The following THSD7B variants were observed in gnomAD, a reference collection of about 807,000 sequenced individuals.
The protein encoded by THSD7B is thrombospondin type-1 domain-containing protein 7B.
In THSD7B, 138 loss-of-function variants were observed where a neutral mutation model predicts 213.6. The observed-to-expected ratio is 0.65, with a 90% CI of 0.56 to 0.74. The LOEUF is 0.74. THSD7B is among the 30% of genes least tolerant of loss of function. THSD7B has a pLI of 0.00. For missense variants in THSD7B, 1,931 were observed against 1,991.5 expected, an observed-to-expected ratio of 0.97 and a Z score of 0.58; for synonymous variants, 742 against 687.0, an observed-to-expected ratio of 1.08 and a Z score of -1.25.
chr2:136,817,072 T>C (rs1369174239), intron 1 of THSD7B, among the ~76,000 whole-genome samples: 1 of 152,214 alleles, frequency 6.6e-6, no homozygotes, highest in Non-Finnish European at 1.5e-5. Flanking sequence ...AAGCCTCTAT[T>C]GTCGGCTCAT....
intron 2 of THSD7B, among the ~76,000 whole-genome samples, chr2:136,885,991 C>G (rs999915809): frequency 4.6e-5 from 7 of 151,836 alleles, no homozygotes; most frequent in Non-Finnish European, 1.0e-4. Context: ...AGTGAGGGAG[C>G]CAGCTGTAGA....
chr2:137,583,683 G>A (rs1573724535), intron 17 of THSD7B, among the ~76,000 whole-genome samples: 3 of 152,120 alleles, frequency 2.0e-5, no homozygotes, highest in Middle Eastern at 3.2e-3. Flanking sequence ...GCTCTGTTCT[G>A]TTCCATTGGT....
At chr2:137,133,247 G>A (rs576529277) in intron 5 of THSD7B, among the ~76,000 whole-genome samples, 1 of 152,242 alleles carries the variant, frequency 6.6e-6, no homozygotes, top group East Asian at 1.9e-4. Flanking sequence ...GTAAGGCCCC[G>A]AATAATCTAT....
intron 1 of THSD7B, among the ~76,000 whole-genome samples, chr2:136,824,877 C>G (rs1185027722): frequency 6.6e-6 from 1 of 152,160 alleles, no homozygotes; most frequent in Non-Finnish European, 1.5e-5. Flanking sequence ...CTAAGGGAGG[C>G]TTTACATTTG....
At chr2:137,408,523 C>T (rs56768067) in intron 13 of THSD7B, among the ~76,000 whole-genome samples, 12,838 of 152,216 alleles carry the variant, frequency 0.084, 1,154 homozygotes, top group African/African-American at 0.22. Flanking sequence ...AATTACAGTA[C>T]AGCTTCTGCT....
chr2:137,262,401 A>G (rs1046086135), intron 10 of THSD7B, among the ~76,000 whole-genome samples: 1 of 152,026 alleles, frequency 6.6e-6, no homozygotes, highest in Non-Finnish European at 1.5e-5. Flanking sequence ...ACCTTGTTGT[A>G]GCAAGCAGCT....
At chr2:137,174,438 G>A (rs1680321054) in intron 7 of THSD7B, among the ~76,000 whole-genome samples, 1 of 152,148 alleles carries the variant, frequency 6.6e-6, no homozygotes, top group African/African-American at 2.4e-5. Flanking sequence ...ATTGAAACCA[G>A]GGAGTATATG....
intron 9 of THSD7B, among the ~76,000 whole-genome samples, chr2:137,235,726 A>C (rs907452484): frequency 6.6e-6 from 1 of 152,230 alleles, no homozygotes. Context: ...TAAAATGTAC[A>C]TAAGTGAGAC....
rs1558834308 is a variant in THSD7B, at chr2:137,546,414, AT to A, written c.3139-16805del. Among the ~76,000 whole-genome samples, 86 of 32,982 alleles carry A rather than the reference AT, an allele frequency of 2.6e-3. 10 individuals carry two copies. Among genetic ancestry groups the A allele is most frequent in the African/African-American group, 4.7e-3 (25 of 5,330 alleles). 21.6% of individuals were successfully genotyped at this position (32,982 alleles called of 152,430 possible). ...TATATATTATATATATTATATATAT[AT>A]TATATATATTATATATATATTATAT... On this transcript the variant is annotated intron_variant, in intron 15 of 27. Transcript: ENST00000409968.
intron 12 of THSD7B, among the ~76,000 whole-genome samples, chr2:137,389,268 G>C (rs1468466106): frequency 6.9e-6 from 1 of 144,560 alleles, no homozygotes. Context: ...ACTAGCATAA[G>C]ATGATATCTC....
At chr2:136,962,204 G>C (rs1464417583) in intron 2 of THSD7B, among the ~76,000 whole-genome samples, 1 of 152,120 alleles carries the variant, frequency 6.6e-6, no homozygotes, top group Non-Finnish European at 1.5e-5. Flanking sequence ...GCTGAAAAAA[G>C]CAAGGACACA....
intron 15 of THSD7B, among the ~76,000 whole-genome samples, chr2:137,497,601 GTATGTGTGTGTGTGTGT>G (rs1220873716): frequency 2.0e-5 from 3 of 150,172 alleles, no homozygotes; most frequent in African/African-American, 4.9e-5. Flanking sequence ...ATATATATAT[GTATGTGTGTGTGTGTGT>G]TATGTGTGTG....
At chr2:137,119,307 G>C (rs1204826210) in intron 5 of THSD7B, among the ~76,000 whole-genome samples, 1 of 152,176 alleles carries the variant, frequency 6.6e-6, no homozygotes, top group African/African-American at 2.4e-5. Context: ...TTATGAGTTA[G>C]TCTATGCACT....
At chr2:136,816,148 G>T (rs1440583331) in intron 1 of THSD7B, among the ~76,000 whole-genome samples, 1 of 152,202 alleles carries the variant, frequency 6.6e-6, no homozygotes, top group African/African-American at 2.4e-5. Flanking sequence ...GCCTCCAAGT[G>T]CTGGGATTAT....
chr2:136,938,318 G>T (rs1331264646), intron 2 of THSD7B, among the ~76,000 whole-genome samples: 1 of 152,158 alleles, frequency 6.6e-6, no homozygotes, highest in African/African-American at 2.4e-5. Flanking sequence ...AGGGGAAAAG[G>T]AATGGAAAGA....
chr2:137,244,387 T>C (rs1204917347), intron 10 of THSD7B, among the ~76,000 whole-genome samples: 1 of 152,164 alleles, frequency 6.6e-6, no homozygotes, highest in Non-Finnish European at 1.5e-5. Context: ...GTTATTGAAG[T>C]CTCTTGATAC....
intron 3 of THSD7B, among the ~76,000 whole-genome samples, chr2:137,079,466 T>C (rs1373876531): frequency 6.6e-6 from 1 of 152,206 alleles, no homozygotes; most frequent in Non-Finnish European, 1.5e-5. Context: ...CATTCTAAAG[T>C]GTTTTTATTT....
intron 2 of THSD7B, among the ~76,000 whole-genome samples, chr2:137,033,098 A>AG (rs1275853541): frequency 6.6e-6 from 1 of 151,086 alleles, no homozygotes; most frequent in Non-Finnish European, 1.5e-5. Context: ...AAATTACATC[A>AG]GTTAGTTATT....
At chr2:137,429,246 A>G (rs759396672) in intron 14 of THSD7B, among the ~76,000 whole-genome samples, 12 of 152,220 alleles carry the variant, frequency 7.9e-5, no homozygotes, top group East Asian at 7.7e-4. Flanking sequence ...TAATAGTTGT[A>G]CAGCTCTGTG....
Sources: allele counts gnomAD v4.1 joint callset (sites outside exome capture counted in the v4.1 genomes callset), GRCh38; gene constraint gnomAD v4.1.1; transcripts MANE v1.5; gene names NCBI Gene and HGNC (gene_info 2026-07-23, HGNC 2026-07-21).